TJP1: variants seen among roughly 807,000 people sequenced by gnomAD.
TJP1 encodes the protein tight junction protein ZO-1.
TJP1 carries 43 observed loss-of-function variants against 194.2 expected under a neutral mutation model. That is an observed-to-expected ratio of 0.22 (90% confidence interval 0.17 to 0.29). The LOEUF (loss-of-function observed/expected upper bound fraction) is 0.29. Ranked by LOEUF, TJP1 falls within the 10% of genes least tolerant of loss-of-function variation. The pLI is 1.00. For synonymous variants in TJP1, 801 were observed against 779.0 expected (o/e 1.03, Z -0.47); for missense variants, 1,971 against 2,185.7 (o/e 0.90, Z 1.96).
chr15:29,712,455 G>C (rs925041632), intron 23 of TJP1, among the ~76,000 whole-genome samples: 2 of 152,052 alleles, frequency 1.3e-5, no homozygotes, highest in South Asian at 2.1e-4. Flanking sequence ...GAAAGAAAAT[G>C]GTCAATCTAA....
intron 18 of TJP1, among the ~76,000 whole-genome samples, chr15:29,725,167 C>T (rs938022314): frequency 3.9e-5 from 6 of 152,144 alleles, no homozygotes; most frequent in Middle Eastern, 3.2e-3. Flanking sequence ...TGGTTTGTTT[C>T]CACCTTCATT....
At chr15:29,927,532 T>C (rs2054565039) in intron 2 of TJP1, among the ~76,000 whole-genome samples, 1 of 152,106 alleles carries the variant, frequency 6.6e-6, no homozygotes, top group Non-Finnish European at 1.5e-5. Context: ...GGAATTTAGA[T>C]TCTGAGACTG....
At chr15:29,857,099 T>C (rs1290479132) in intron 2 of TJP1, among the ~76,000 whole-genome samples, 1 of 152,034 alleles carries the variant, frequency 6.6e-6, no homozygotes, top group East Asian at 1.9e-4. Flanking sequence ...CTGAAGGGGG[T>C]CCTGGGACAA....
chr15:29,829,819 A>G (rs899722501), intron 2 of TJP1, among the ~76,000 whole-genome samples: 7 of 152,116 alleles, frequency 4.6e-5, no homozygotes, highest in African/African-American at 1.4e-4. Context: ...AGAGGTAAGC[A>G]TACTTTTTAT....
intron 8 of TJP1, among the ~76,000 whole-genome samples, chr15:29,752,469 T>C (rs945486824): frequency 6.6e-6 from 1 of 152,202 alleles, no homozygotes; most frequent in African/African-American, 2.4e-5. Flanking sequence ...ATTTGATCCA[T>C]GATCTCCTCT....
chr15:29,774,237 C>A (rs993990782), intron 2 of TJP1, among the ~76,000 whole-genome samples: 1 of 152,026 alleles, frequency 6.6e-6, no homozygotes, highest in Admixed American at 6.6e-5. Flanking sequence ...CAGTCCGCAA[C>A]AGAGGAGACT....
At chr15:29,821,230 A>G (rs895262548) in intron 1 of TJP1, among the ~76,000 whole-genome samples, 9 of 152,338 alleles carry the variant, frequency 5.9e-5, no homozygotes, top group South Asian at 4.1e-4. Flanking sequence ...GGAAAATGCA[A>G]TAATATTTCA....
chr15:29,754,310 G>A (rs58713741), intron 8 of TJP1, among the ~76,000 whole-genome samples: 4,945 of 152,288 alleles, frequency 0.032, 274 homozygotes, highest in African/African-American at 0.11. Flanking sequence ...TTGTAAGTGG[G>A]AGCTAAATGG....
chr15:29,753,008 A>C (rs1345158135), intron 8 of TJP1, among the ~76,000 whole-genome samples: 1 of 152,130 alleles, frequency 6.6e-6, no homozygotes, highest in African/African-American at 2.4e-5. Flanking sequence ...GACCTCAGAG[A>C]AGCTTTCTTC....
intron 2 of TJP1, among the ~76,000 whole-genome samples, chr15:29,901,779 C>A (rs1042991709): frequency 6.6e-6 from 1 of 150,770 alleles, no homozygotes; most frequent in Non-Finnish European, 1.5e-5. Context: ...CAAGATTGCA[C>A]CACTGCATTC....
intron 20 of TJP1, among the ~76,000 whole-genome samples, chr15:29,719,554 A>G (rs1379425014): frequency 1.3e-5 from 2 of 152,242 alleles, no homozygotes; most frequent in Admixed American, 6.5e-5. Flanking sequence ...AATAAAAATA[A>G]TAAGCACAAA....
intron 2 of TJP1, among the ~76,000 whole-genome samples, chr15:29,799,403 A>G (rs2048628743): frequency 6.6e-6 from 1 of 151,812 alleles, no homozygotes; most frequent in East Asian, 1.9e-4. Flanking sequence ...ACTATATCTT[A>G]TCAGAAAAAA....
intron 2 of TJP1, among the ~76,000 whole-genome samples, chr15:29,854,901 A>G (rs951226094): frequency 9.9e-5 from 15 of 151,666 alleles, no homozygotes; most frequent in Middle Eastern, 3.4e-3. Flanking sequence ...TGAGGAGGGG[A>G]AAAAAAAAGG....
exon 1 of TJP1, chr15:29,968,725 C>T: frequency 8.2e-7 from 1 of 1,219,296 alleles, no homozygotes; most frequent in Non-Finnish European, 1.1e-6. Flanking sequence ...ACGCCGATGG[C>T]CATCTGCAGC....
chr15:29,907,446 CA>C (rs2053854141), intron 2 of TJP1, among the ~76,000 whole-genome samples: 1 of 152,034 alleles, frequency 6.6e-6, no homozygotes, highest in Non-Finnish European at 1.5e-5. Context: ...GTGGTACATA[CA>C]TGTATTCATA....
intron 2 of TJP1, among the ~76,000 whole-genome samples, chr15:29,902,304 T>C (rs2053658856): frequency 6.6e-6 from 1 of 152,178 alleles, no homozygotes; most frequent in African/African-American, 2.4e-5. Flanking sequence ...GGAAAAAATA[T>C]AGACTACGCG....
intron 2 of TJP1, among the ~76,000 whole-genome samples, chr15:29,923,931 T>C (rs539185951): frequency 3.3e-5 from 5 of 152,362 alleles, no homozygotes; most frequent in South Asian, 2.1e-4. Flanking sequence ...GTTATTCTAA[T>C]GTGTGTGAGT....
chr15:29,701,256 A>C lies in TJP1; in HGVS notation c.*339T>G, dbSNP rs2041521257. The C allele has an allele frequency of 4.3e-6, 1 of 234,802 alleles. No individual in the cohort carries two copies. The highest frequency in any genetic ancestry group is 8.4e-6 in the Non-Finnish European group (1 of 118,742). 14.5% of individuals were successfully genotyped at this position (234,802 alleles called of 1,614,324 possible). A position where few individuals can be genotyped will look rare whatever the true frequency, so the allele number is the denominator to read the frequency against. On this transcript the variant is annotated 3_prime_UTR_variant, in exon 28 of 28. Transcript: ENST00000614355. ...AAACAGTGTACTTTGGAAAGAACAG[A>C]CCTCAAATGCACCCCCATTTACTGG... is the stretch of plus-strand genomic sequence containing the variant.
Position 29,860,217 on chromosome 15 carries a change from C to G in TJP1, c.307-59515G>C, listed in dbSNP as rs536741668. 1.6e-4 allele frequency among the ~76,000 whole-genome samples: 24 copies of G among 152,292 alleles called. No individual in the cohort carries two copies. In the South Asian group the frequency reaches 5.0e-3, roughly 32 times the overall value. Reference sequence around the variant, plus strand: ...CCAAACTCTGACTCAGGAGTAAGCGCTTTCTTTCTCTCCCCCTGGAATCCT... The same window carrying G: ...CCAAACTCTGACTCAGGAGTAAGCGGTTTCTTTCTCTCCCCCTGGAATCCT... On this transcript the variant is annotated intron_variant, in intron 2 of 28. Coordinates refer to the TJP1 transcript ENST00000356107.
Sources: gnomAD v4.1 joint callset for allele counts (sites outside exome capture counted in the v4.1 genomes callset) on GRCh38, gnomAD v4.1.1 for gene constraint, MANE v1.5 for transcripts, NCBI Gene and HGNC (gene_info 2026-07-23, HGNC 2026-07-21) for gene names.